TAX1BP1: variants seen among roughly 807,000 people sequenced by gnomAD.
TAX1BP1 encodes the protein Tax1 binding protein 1.
In TAX1BP1, 62 loss-of-function variants were observed where a neutral mutation model predicts 97.7. The observed-to-expected ratio is 0.63, with a 90% CI of 0.52 to 0.78. The LOEUF (loss-of-function observed/expected upper bound fraction) is 0.78, where lower values mean the gene tolerates loss of function less well. Among genes scored for constraint, TAX1BP1 ranks in the 30% least tolerant of loss-of-function variants. TAX1BP1 has a pLI of 0.00. For missense variants in TAX1BP1, 867 were observed against 916.1 expected (o/e 0.95, Z 0.69); for synonymous variants, 340 against 304.2 (o/e 1.12, Z -1.23).
At chr7:27,787,983 C>A (rs989351005) in intron 8 of TAX1BP1, among the ~76,000 whole-genome samples, 1 of 152,028 alleles carries the variant, frequency 6.6e-6, no homozygotes, top group Non-Finnish European at 1.5e-5. Flanking sequence ...AATCACATTG[C>A]CCCAAATGTA....
At chr7:27,794,247 ATTTAC>A in intron 10 of TAX1BP1, 71 bp from the exon 11 acceptor site, 4 of 1,253,932 alleles carry the variant, frequency 3.2e-6, no homozygotes, top group Non-Finnish European at 4.4e-6. Flanking sequence ...TAAAAATATT[ATTTAC>A]TTAGTTACTG....
chr7:27,741,894 G>C (rs975715126), intron 1 of TAX1BP1, among the ~76,000 whole-genome samples: 1 of 152,152 alleles, frequency 6.6e-6, no homozygotes, highest in Non-Finnish European at 1.5e-5. Flanking sequence ...AGTGGGGAGA[G>C]GGTCAGCAGA....
chr7:27,807,712 G>T (rs1245059894), intron 13 of TAX1BP1, among the ~76,000 whole-genome samples: 1 of 151,966 alleles, frequency 6.6e-6, no homozygotes, highest in East Asian at 1.9e-4. Context: ...TAAATATCTT[G>T]TTCTTTATCA....
At chr7:27,755,832 C>T (rs1475151695) in intron 2 of TAX1BP1, among the ~76,000 whole-genome samples, 1 of 152,152 alleles carries the variant, frequency 6.6e-6, no homozygotes, top group South Asian at 2.1e-4. Flanking sequence ...GGTATATCTC[C>T]TAGAAGCAAT....
At chr7:27,769,332 T>A (rs2128312365) in intron 4 of TAX1BP1, among the ~76,000 whole-genome samples, 1 of 152,122 alleles carries the variant, frequency 6.6e-6, no homozygotes, top group Middle Eastern at 3.4e-3. Context: ...TTGGAGTATC[T>A]GATTATTACT....
chr7:27,764,581 AT>A (rs1174684307), intron 3 of TAX1BP1, among the ~76,000 whole-genome samples: 1 of 152,138 alleles, frequency 6.6e-6, no homozygotes, highest in East Asian at 1.9e-4. Flanking sequence ...TAAAGTTATT[AT>A]TTTTTTCCCT....
chr7:27,771,370 G>A (rs937225095), intron 5 of TAX1BP1, among the ~76,000 whole-genome samples: 16 of 151,086 alleles, frequency 1.1e-4, no homozygotes, highest in African/African-American at 3.9e-4. Flanking sequence ...ATCCTGAAAT[G>A]TGGGCTTTGA....
rs991613880 is a variant in TAX1BP1, at chr7:27,808,036, C to T, written c.1764+7946C>T. ...TTACTTTCTGGTGCAGAAGGATGTT[C>T]CAGGCTCATCTTGTTATTTTCCTGC... On this transcript the variant is annotated intron_variant, in intron 13 of 16. Coordinates refer to ENST00000396319, the MANE Select transcript of TAX1BP1 (RefSeq NM_006024.7). 3.3e-5 allele frequency among the ~76,000 whole-genome samples: 5 copies of T among 152,164 alleles called. No homozygotes were observed. The South Asian group carries it at 1.0e-3, about 32-fold the overall frequency.
At chr7:27,807,252 T>G (rs906220101) in intron 13 of TAX1BP1, among the ~76,000 whole-genome samples, 1 of 152,154 alleles carries the variant, frequency 6.6e-6, no homozygotes, top group African/African-American at 2.4e-5. Flanking sequence ...CATGTTAAAG[T>G]TAACAGATTT....
At chr7:27,821,649 A>T (rs1790979599) in intron 15 of TAX1BP1, among the ~76,000 whole-genome samples, 1 of 151,696 alleles carries the variant, frequency 6.6e-6, no homozygotes, top group African/African-American at 2.4e-5. Flanking sequence ...AAAAAAAAAA[A>T]AGTAGTTAAT....
chr7:27,750,452 A>C (rs935824694), intron 2 of TAX1BP1, among the ~76,000 whole-genome samples: 1 of 152,206 alleles, frequency 6.6e-6, no homozygotes, highest in East Asian at 1.9e-4. Context: ...CATTTCGGAT[A>C]AGGGATACTG....
chr7:27,785,774 G>A (rs1386348663), intron 7 of TAX1BP1, among the ~76,000 whole-genome samples: 1 of 152,202 alleles, frequency 6.6e-6, no homozygotes, highest in Admixed American at 6.5e-5. Context: ...TATCCTCACA[G>A]CATGGCAGCT....
rs1790076788 is a variant in TAX1BP1 at position 27,800,120 on chromosome 7, T to C, written c.1764+30T>C. The C allele has an allele frequency of 3.9e-6, 6 of 1,526,532 alleles. No homozygotes were observed. In the East Asian group the frequency reaches 1.4e-4, roughly 36 times the overall value. 94.6% of individuals were successfully genotyped at this position (1,526,532 alleles called of 1,614,324 possible). A position where few individuals can be genotyped will look rare whatever the true frequency, so the allele number is the denominator to read the frequency against. ...GTTTGGTACTCCTTGTATGTAAACT[T>C]AAGGCATAAACTTCTGAAAATTAGT... is the stretch of plus-strand genomic sequence containing the variant. On this transcript the variant is annotated intron_variant, in intron 13 of 16. Coordinates refer to ENST00000396319, the MANE Select transcript of TAX1BP1 (RefSeq NM_006024.7).
Position 27,787,619 on chromosome 7 carries a change from A to G in TAX1BP1, c.1038+16A>G, listed in dbSNP as rs1368593509. On this transcript the variant is annotated intron_variant, in intron 8 of 16. Transcript: ENST00000396319. Reference sequence around the variant, plus strand: ...CTCAAGTAAAGTAAGTACTTTTGCTATATATATTTGAAGATTGTAAAACAT... The same window carrying G: ...CTCAAGTAAAGTAAGTACTTTTGCTGTATATATTTGAAGATTGTAAAACAT... 1.3e-6 allele frequency: 2 copies of G among 1,583,762 alleles called. No homozygotes were observed. Among genetic ancestry groups the G allele is most frequent in the Admixed American group, 1.9e-5 (1 of 53,332 alleles).
chr7:27,796,359 G>T (rs966463517), intron 12 of TAX1BP1, 140 bp downstream of exon 12: 11 of 682,096 alleles, frequency 1.6e-5, no homozygotes, highest in Non-Finnish European at 2.3e-5. Flanking sequence ...TTGGCTTTTG[G>T]GATGATGAGG....
At chr7:27,821,072 T>C (rs892868627) in intron 15 of TAX1BP1, among the ~76,000 whole-genome samples, 1 of 152,204 alleles carries the variant, frequency 6.6e-6, no homozygotes, top group Non-Finnish European at 1.5e-5. Flanking sequence ...GGATTAAAGA[T>C]AGTCAGCCTG....
intron 13 of TAX1BP1, among the ~76,000 whole-genome samples, chr7:27,801,008 G>A (rs886907578): frequency 2.0e-5 from 3 of 151,546 alleles, no homozygotes; most frequent in South Asian, 2.1e-4. Flanking sequence ...GGAGGCTGAG[G>A]CAGGAGAATC....
Position 27,816,906 on chromosome 7 carries a change from T to G in TAX1BP1, c.1953T>G (p.Ala651=), listed in dbSNP as rs1454538015. 8 of 1,613,830 alleles carry G rather than the reference T, an allele frequency of 5.0e-6. 1 individual carries two copies. Among genetic ancestry groups the G allele is most frequent in the Non-Finnish European group, 6.8e-6 (8 of 1,179,956 alleles). Residue 651 remains alanine, a synonymous_variant, in exon 15 of 17, where the codon GCT becomes GCG. Coordinates refer to ENST00000396319, the MANE Select transcript of TAX1BP1 (RefSeq NM_006024.7). ...TTATTACAGATGGAGCAGATGGTGC[T>G]TTTTACCCAGATGAAATACAAAGGC... ...SQETRDGADG[A]FYPDEIQRPP... is the part of the protein sequence containing the mutation.
Position 27,828,955 on chromosome 7 carries a change from C to A in TAX1BP1, c.*126C>A, listed in dbSNP as rs1173158659. The A allele has an allele frequency of 4.4e-6, 3 of 687,230 alleles. No homozygotes were observed. The highest frequency in any genetic ancestry group is 6.9e-6 in the Non-Finnish European group (3 of 431,968). The allele number at this position is 687,230 out of a possible 1,614,324, so 42.6% of individuals were successfully genotyped here. ...TGCACCCTTTACTGCACTTTCTGAC[C>A]AGGAGCTACTTTGAGTTTGGTGTTA... is the stretch of plus-strand genomic sequence containing the variant. On this transcript the variant is annotated 3_prime_UTR_variant, in exon 17 of 17. Transcript: ENST00000396319.
Sources: allele counts gnomAD v4.1 joint callset (sites outside exome capture counted in the v4.1 genomes callset), GRCh38; gene constraint gnomAD v4.1.1; transcripts MANE v1.5; gene names NCBI Gene and HGNC (gene_info 2026-07-23, HGNC 2026-07-21).